The following PLA2G4F variants were observed in gnomAD, a reference collection of about 807,000 sequenced individuals.
PLA2G4F encodes phospholipase A2 group IVF, also known as cytosolic phospholipase A2 zeta.
A neutral mutation model predicts 103.1 loss-of-function variants in PLA2G4F; 105 were observed. The observed-to-expected ratio is 1.02, with a 90% CI of 0.87 to 1.20. PLA2G4F has a LOEUF of 1.20. Among genes scored for constraint, PLA2G4F ranks in the 50% most tolerant of loss-of-function variants. PLA2G4F has a pLI of 0.00. For synonymous variants in PLA2G4F, 468 were observed against 441.1 expected (o/e 1.06, Z -0.76); for missense variants, 1,155 against 1,075.9 (o/e 1.07, Z -1.03).
chr15:42,148,775 G>T (rs982715114), intron 11 of PLA2G4F: 4 of 985,226 alleles, frequency 4.1e-6, no homozygotes, highest in Non-Finnish European at 4.8e-6. Context: ...GTAAGATTTG[G>T]CTCATTCCAC....
chr15:42,155,202 T>G (rs957434214), intron 2 of PLA2G4F, among the ~76,000 whole-genome samples: 3 of 150,436 alleles, frequency 2.0e-5, no homozygotes, highest in African/African-American at 7.4e-5. Flanking sequence ...CGCAGTCACA[T>G]TTGCACTCAC....
At chr15:42,155,423 T>TAC in intron 2 of PLA2G4F, 94 bp downstream of exon 2, 6 of 1,310,960 alleles carry the variant, frequency 4.6e-6, no homozygotes, top group South Asian at 1.2e-5. Context: ...TGTATACTCT[T>TAC]ACACACACAC....
Position 42,145,906 on chromosome 15 carries a change from A to G in PLA2G4F, c.1535-3T>C, listed in dbSNP as rs1391643795. 1.2e-6 allele frequency: 2 copies of G among 1,613,498 alleles called. No homozygotes were observed. The highest frequency in any genetic ancestry group is 2.7e-5 in the African/African-American group (2 of 74,914). ...ATAGGGCGTGAACTCGCACCACTCT[A>G]GGGGCCCGAGTGAAGGGAAAGTCAC... On this transcript the variant is annotated splice_polypyrimidine_tract_variant and splice_region_variant and intron_variant, in intron 14 of 19. Transcript: ENST00000397272.
At position 42,142,012 on chromosome 15, in the gene PLA2G4F, T is replaced by G. The variant is rs747969557; in HGVS notation, c.2522A>C (p.His841Pro). 1 of 1,614,036 alleles carries G rather than the reference T, an allele frequency of 6.2e-7. No individual in the cohort carries two copies. Among genetic ancestry groups the G allele is most frequent in the Non-Finnish European group, 8.5e-7 (1 of 1,180,020 alleles). The change falls in exon 20 of 20, where the codon CAC becomes CCC. Residue 841 changes from histidine to proline, a missense_variant. By Grantham distance (77) the His-to-Pro change is moderately conservative. Transcript: ENST00000397272. ...KCALQLALDR[H>P]QARERAGA ...GGCCCCTGCCCTCTCCCGAGCCTGG[T>G]GCCGGTCCAGAGCCAGCTGGAGGGC...
Position 42,147,219 on chromosome 15 carries a change from A to G in PLA2G4F, c.1324T>C (p.Tyr442His), listed in dbSNP as rs368604960. The G allele has an allele frequency of 1.4e-5, 22 of 1,612,956 alleles. No homozygotes were observed. In the African/African-American group the frequency reaches 2.4e-4, roughly 18 times the overall value. ...GALSTERLQY[Y>H]TQELGVRERS... ...TCCCGGACCCCCAGTTCCTGAGTGTAGTACTGTAGCCGCTCCGTGGACAAA... is the reference window on the plus strand; with the variant it reads ...TCCCGGACCCCCAGTTCCTGAGTGTGGTACTGTAGCCGCTCCGTGGACAAA... Residue 442 changes from tyrosine (Y) to histidine (H), a missense_variant, in exon 13 of 20, where the codon TAC (tyrosine) becomes CAC (histidine). Physicochemically the swap from Tyr to His is moderately conservative, Grantham distance 83. This residue lies in a region of PLA2G4F where 782 missense variants were observed against 692.9 expected (regional missense o/e 1.13). Transcript: ENST00000397272.
intron 2 of PLA2G4F, 147 bp from the exon 3 acceptor site, chr15:42,154,605 G>C: frequency 1.0e-3 from 806 of 785,200 alleles, no homozygotes; most frequent in Non-Finnish European, 1.4e-3. Flanking sequence ...TGGAGGGAGA[G>C]CCTTGATGTC....
chr15:42,154,584 G>C (rs2048993950), intron 2 of PLA2G4F, 126 bp from the exon 3 acceptor site: 1 of 1,109,186 alleles, frequency 9.0e-7, no homozygotes, highest in Non-Finnish European at 1.2e-6. Context: ...TGGCATGGTG[G>C]GGTGAGGAGG....
intron 13 of PLA2G4F, 43 bp downstream of exon 13, chr15:42,147,081 A>G (rs1477498827): frequency 6.4e-7 from 1 of 1,551,140 alleles, no homozygotes. Context: ...GGGTGGAAGG[A>G]GTGGAGAGGA....
intron 17 of PLA2G4F, 58 bp downstream of exon 17, chr15:42,144,392 A>G: frequency 6.3e-6 from 10 of 1,587,468 alleles, no homozygotes; most frequent in Non-Finnish European, 8.6e-6. Flanking sequence ...GGCTCCAGTG[A>G]GCCAGAGGTG....
chr15:42,154,898 T>C (rs114634301), intron 2 of PLA2G4F, among the ~76,000 whole-genome samples: 174 of 152,166 alleles, frequency 1.1e-3, no homozygotes, highest in African/African-American at 4.1e-3. Flanking sequence ...CTGCCTGCCC[T>C]CACCTCCATG....
chr15:42,143,047 T>C (rs1322934208), intron 18 of PLA2G4F, among the ~76,000 whole-genome samples: 1 of 151,436 alleles, frequency 6.6e-6, no homozygotes, highest in Non-Finnish European at 1.5e-5. Flanking sequence ...GGCATGGTGG[T>C]GTGTGCCTAT....
In PLA2G4F at chr15:42,149,866, G is replaced by A. The variant is rs778104110; in HGVS notation, c.924-18C>T. ...CCCCGGAGCTGCCTCAAGTAGGGTG[G>A]GGTGGCGGTGGGGGGTTCTGGGTGA... is the stretch of plus-strand genomic sequence containing the variant. On this transcript the variant is annotated intron_variant, in intron 10 of 19. Coordinates refer to ENST00000397272, the MANE Select transcript of PLA2G4F (RefSeq NM_213600.4). The A allele has an allele frequency of 3.1e-6, 5 of 1,613,122 alleles. No homozygotes were observed. Among genetic ancestry groups the A allele is most frequent in the Non-Finnish European group, 8.5e-7 (1 of 1,179,132 alleles).
chr15:42,155,102 TACAC>T (rs112317175), intron 2 of PLA2G4F, among the ~76,000 whole-genome samples: 8 of 118,480 alleles, frequency 6.8e-5, no homozygotes, highest in South Asian at 2.6e-4. Context: ...TATACACACA[TACAC>T]ACTCACGTTC....
At chr15:42,146,484 A>G (rs2048886472) in intron 13 of PLA2G4F, among the ~76,000 whole-genome samples, 1 of 152,250 alleles carries the variant, frequency 6.6e-6, no homozygotes. Context: ...TTTACTATTC[A>G]AAACAGCGTA....
chr15:42,152,915 C>T (rs971125461), intron 6 of PLA2G4F, among the ~76,000 whole-genome samples, 161 bp from the exon 7 acceptor site: 3 of 152,120 alleles, frequency 2.0e-5, no homozygotes, highest in Admixed American at 1.3e-4. Flanking sequence ...AACAGCCCTC[C>T]CAGGACCTGG....
At chr15:42,149,290 TAGAAG>T (rs983158460) in intron 11 of PLA2G4F, 1 of 644,882 alleles carries the variant, frequency 1.6e-6, no homozygotes, top group Non-Finnish European at 1.9e-6. Context: ...CTGGGGTCCT[TAGAAG>T]AGGAGGAGGA....
At chr15:42,148,475 C>A in intron 11 of PLA2G4F, 1 of 354,876 alleles carries the variant, frequency 2.8e-6, no homozygotes, top group Non-Finnish European at 3.9e-6. Flanking sequence ...GGATGTTTAG[C>A]AGCATTTCTG....
intron 11 of PLA2G4F, chr15:42,149,491 G>T: frequency 1.0e-6 from 1 of 984,748 alleles, no homozygotes; most frequent in Non-Finnish European, 1.2e-6. Flanking sequence ...AAGCCACCTA[G>T]TCTGTGGGGT....
At chr15:42,145,976 G>A in intron 14 of PLA2G4F, 73 bp from the exon 15 acceptor site, 1 of 1,598,432 alleles carries the variant, frequency 6.3e-7, no homozygotes, top group Non-Finnish European at 8.5e-7. Context: ...AGGAATCTTA[G>A]CCTTGACAAT....
Sources: gnomAD v4.1 joint callset for allele counts (sites outside exome capture counted in the v4.1 genomes callset) on GRCh38, gnomAD v4.1.1 for gene constraint, gnomAD v4.1.1 regional missense constraint, MANE v1.5 for transcripts, NCBI Gene and HGNC (gene_info 2026-07-23, HGNC 2026-07-21) for gene names.